The following BMPR1B variants were observed in gnomAD, a reference collection of about 807,000 sequenced individuals.
The protein encoded by BMPR1B is bone morphogenetic protein receptor type 1B, also known as bone morphogenetic protein receptor type-1B.
In BMPR1B, 12 loss-of-function variants were observed where a neutral mutation model predicts 59.1. That is an observed-to-expected ratio of 0.20 (90% CI 0.13 to 0.33). The LOEUF is 0.33. BMPR1B is among the 10% of genes least tolerant of loss of function. The pLI is 1.00. For missense variants in BMPR1B, 550 were observed against 610.9 expected, an observed-to-expected ratio of 0.90 and a Z score of 1.05; for synonymous variants, 237 against 207.3, an observed-to-expected ratio of 1.14 and a Z score of -1.23.
At chr4:95,013,094 C>T (rs1485234817) in intron 3 of BMPR1B, among the ~76,000 whole-genome samples, 1 of 151,010 alleles carries the variant, frequency 6.6e-6, no homozygotes, top group Non-Finnish European at 1.5e-5. Flanking sequence ...CATTAAATAA[C>T]TAGTTTTTCA....
At chr4:95,010,939 C>G (rs1723179979) in intron 3 of BMPR1B, among the ~76,000 whole-genome samples, 1 of 152,062 alleles carries the variant, frequency 6.6e-6, no homozygotes, top group Admixed American at 6.6e-5. Flanking sequence ...TTAGGAATTG[C>G]ATTTGGATGG....
chr4:95,125,273 GA>G (rs1732827409), intron 8 of BMPR1B, 152 bp downstream of exon 8: 3 of 1,017,394 alleles, frequency 2.9e-6, no homozygotes, highest in Non-Finnish European at 4.4e-6. Context: ...AGGGCTTCCT[GA>G]TAACATTTTG....
At chr4:94,858,854 CT>C (rs1264247286) in intron 1 of BMPR1B, among the ~76,000 whole-genome samples, 1 of 152,174 alleles carries the variant, frequency 6.6e-6, no homozygotes, top group Admixed American at 6.5e-5. Context: ...TCTCCTCAGT[CT>C]TTCACCACCC....
intron 1 of BMPR1B, among the ~76,000 whole-genome samples, chr4:94,794,058 A>G (rs1201895415): frequency 6.6e-6 from 1 of 150,772 alleles, no homozygotes; most frequent in Non-Finnish European, 1.5e-5. Context: ...TTTTGTTGCC[A>G]TTGCTTTTGG....
At chr4:95,011,591 C>A (rs765276703) in intron 3 of BMPR1B, among the ~76,000 whole-genome samples, 2 of 152,130 alleles carry the variant, frequency 1.3e-5, no homozygotes, top group Non-Finnish European at 2.9e-5. Flanking sequence ...CAAGTACCTT[C>A]CTTAAGCAGC....
intron 6 of BMPR1B, among the ~76,000 whole-genome samples, chr4:95,119,124 T>C (rs561801540): frequency 6.6e-6 from 1 of 152,352 alleles, no homozygotes; most frequent in East Asian, 1.9e-4. Flanking sequence ...TATGTGTTCA[T>C]ATACTGATAA....
intron 3 of BMPR1B, among the ~76,000 whole-genome samples, chr4:95,058,148 A>C: frequency 6.6e-6 from 1 of 152,322 alleles, no homozygotes; most frequent in East Asian, 1.9e-4. Flanking sequence ...ATGTCTCATA[A>C]AGAACATCTC....
intron 3 of BMPR1B, among the ~76,000 whole-genome samples, chr4:95,014,194 G>A (rs1311873086): frequency 6.6e-6 from 1 of 152,136 alleles, no homozygotes; most frequent in Non-Finnish European, 1.5e-5. Context: ...CATATTTGCT[G>A]TCTTGTTAAC....
chr4:94,966,614 C>G (rs1730564360), intron 2 of BMPR1B, among the ~76,000 whole-genome samples: 1 of 152,168 alleles, frequency 6.6e-6, no homozygotes, highest in Non-Finnish European at 1.5e-5. Context: ...GTTCTTTAAA[C>G]AATGAACTCT....
intron 1 of BMPR1B, among the ~76,000 whole-genome samples, chr4:94,867,523 G>T (rs561084334): frequency 1.1e-4 from 16 of 152,114 alleles, no homozygotes; most frequent in African/African-American, 3.9e-4. Flanking sequence ...ACATCTTAGG[G>T]CCTCAGTTAA....
At position 95,135,960 on chromosome 4, in the gene BMPR1B, T is replaced by C. The variant is rs370821463; in HGVS notation, c.1076+4448T>C. Among the ~76,000 whole-genome samples the C allele has an allele frequency of 1.2e-4, 18 of 152,304 alleles. No homozygotes were observed. The East Asian group carries it at 3.1e-3, about 26-fold the overall frequency. On this transcript the variant is annotated intron_variant, in intron 10 of 12. Coordinates refer to ENST00000515059, the MANE Select transcript of BMPR1B (RefSeq NM_001203.3). ...AGTGCCAGTTTTCAAAGGGAGTGCT[T>C]CCAGTGTTTGCCCATTCAGTATGAT...
intron 2 of BMPR1B, among the ~76,000 whole-genome samples, chr4:94,884,984 C>T (rs1315166659): frequency 6.6e-6 from 1 of 152,168 alleles, no homozygotes; most frequent in African/African-American, 2.4e-5. Flanking sequence ...TGAACAGGCT[C>T]ACTTGGTGGA....
intron 2 of BMPR1B, among the ~76,000 whole-genome samples, chr4:94,949,866 A>G (rs961098412): frequency 2.0e-5 from 3 of 152,176 alleles, no homozygotes; most frequent in African/African-American, 4.8e-5. Flanking sequence ...GAATTGCCAC[A>G]TTGTCTTCCA....
In BMPR1B at chr4:95,092,333, C is replaced by T. The variant is rs146112934; in HGVS notation, c.-17-12075C>T. On this transcript the variant is annotated intron_variant, in intron 3 of 12. Coordinates refer to ENST00000515059, the MANE Select transcript of BMPR1B (RefSeq NM_001203.3). Reference sequence around the variant, plus strand: ...GCTATCTTAGAAAATTTTTCTGTGACGCACAACAGATAAGTGTAAAAGCAC... The same window carrying T: ...GCTATCTTAGAAAATTTTTCTGTGATGCACAACAGATAAGTGTAAAAGCAC... 1.0e-3 allele frequency among the ~76,000 whole-genome samples: 158 copies of T among 152,058 alleles called. 4 individuals are homozygous for T. Among genetic ancestry groups the T allele is most frequent in the African/African-American group, 2.2e-3 (92 of 41,506 alleles).
At chr4:94,775,497 T>C (rs1187924444) in intron 1 of BMPR1B, among the ~76,000 whole-genome samples, 1 of 152,226 alleles carries the variant, frequency 6.6e-6, no homozygotes, top group Non-Finnish European at 1.5e-5. Context: ...GATATTTCCA[T>C]CTCTATTTCA....
chr4:94,898,143 A>T (rs1727662781), intron 2 of BMPR1B, among the ~76,000 whole-genome samples: 1 of 151,358 alleles, frequency 6.6e-6, no homozygotes, highest in Admixed American at 6.6e-5. Context: ...TAGAGATGGG[A>T]GTCTCACTAT....
chr4:94,861,808 A>C (rs1725988199), intron 1 of BMPR1B, among the ~76,000 whole-genome samples: 1 of 152,214 alleles, frequency 6.6e-6, no homozygotes, highest in Non-Finnish European at 1.5e-5. Context: ...GTCAGAGTAG[A>C]TTGATGGTAT....
At chr4:95,116,388 T>G (rs1732036186) in intron 6 of BMPR1B, among the ~76,000 whole-genome samples, 1 of 137,510 alleles carries the variant, frequency 7.3e-6, no homozygotes, top group African/African-American at 3.0e-5. Flanking sequence ...AGGTCTCATG[T>G]TCCCTTTCTC....
chr4:94,982,400 G>C (rs933243067), intron 2 of BMPR1B, among the ~76,000 whole-genome samples: 1 of 152,022 alleles, frequency 6.6e-6, no homozygotes, highest in African/African-American at 2.4e-5. Context: ...TCTTCCAAAG[G>C]CTGCTTATGT....
Sources: gnomAD v4.1 joint callset for allele counts (sites outside exome capture counted in the v4.1 genomes callset) on GRCh38, gnomAD v4.1.1 for gene constraint, MANE v1.5 for transcripts, NCBI Gene and HGNC (gene_info 2026-07-23, HGNC 2026-07-21) for gene names.